The following NCKAP5 variants were observed in gnomAD, a reference collection of about 807,000 sequenced individuals.
NCKAP5 encodes NCK associated protein 5.
Under a neutral mutation model 167.0 loss-of-function variants are expected in NCKAP5, and 92 were observed. That is an observed-to-expected ratio of 0.55 (90% CI 0.47 to 0.66). The LOEUF is 0.66. NCKAP5 is among the 30% of genes least tolerant of loss of function. The pLI is 0.00. For missense variants in NCKAP5, 2,378 were observed against 2,315.0 expected (o/e 1.03, Z -0.56); for synonymous variants, 891 against 877.4 (o/e 1.02, Z -0.27).
At chr2:132,946,624 C>T (rs1697753399) in intron 8 of NCKAP5, among the ~76,000 whole-genome samples, 1 of 152,148 alleles carries the variant, frequency 6.6e-6, no homozygotes, top group Admixed American at 6.5e-5. Flanking sequence ...GGGTTGGGTG[C>T]TGTGGCTCAC....
chr2:133,116,805 C>T (rs915808831), intron 6 of NCKAP5, among the ~76,000 whole-genome samples: 2 of 152,078 alleles, frequency 1.3e-5, no homozygotes, highest in African/African-American at 2.4e-5. Flanking sequence ...AATTGCTTAA[C>T]CTTTCTGGGC....
intron 4 of NCKAP5, among the ~76,000 whole-genome samples, chr2:133,240,893 T>A (rs1209507236): frequency 6.6e-6 from 1 of 152,210 alleles, no homozygotes; most frequent in African/African-American, 2.4e-5. Context: ...TGAAAAGCAT[T>A]TTACTACATT....
At chr2:133,103,122 A>G (rs747634211) in intron 6 of NCKAP5, among the ~76,000 whole-genome samples, 24 of 152,140 alleles carry the variant, frequency 1.6e-4, no homozygotes, top group Non-Finnish European at 3.2e-4. Flanking sequence ...ATCTCATTAC[A>G]TATTTTTACA....
chr2:132,687,929 A>G (rs1253109103), intron 19 of NCKAP5, among the ~76,000 whole-genome samples: 1 of 152,208 alleles, frequency 6.6e-6, no homozygotes, highest in East Asian at 1.9e-4. Flanking sequence ...TGAGAGATGT[A>G]CTACTTTATG....
rs775542530 is a variant in NCKAP5 at position 133,213,708 on chromosome 2, G to T, written c.207+8C>A. The stretch of plus-strand genomic sequence containing the variant: ...TTGTGGAATGAGGGGACGGCAGTCA[G>T]GACTTACCATGGCCCCCTCACTTGT... On this transcript the variant is annotated splice_region_variant and intron_variant, in intron 5 of 19. Transcript: ENST00000409261. 23 of 1,613,556 alleles carry T rather than the reference G, an allele frequency of 1.4e-5. No individual in the cohort carries two copies. Among genetic ancestry groups the T allele is most frequent in the Non-Finnish European group, 1.9e-5 (23 of 1,179,716 alleles).
chr2:132,866,113 C>T (rs1690329443), intron 10 of NCKAP5, among the ~76,000 whole-genome samples: 1 of 152,160 alleles, frequency 6.6e-6, no homozygotes, highest in African/African-American at 2.4e-5. Flanking sequence ...GTGAAGAAAA[C>T]ACATCATCGA....
chr2:132,769,725 G>A (rs1681855302), intron 16 of NCKAP5, among the ~76,000 whole-genome samples: 1 of 152,194 alleles, frequency 6.6e-6, no homozygotes, highest in Admixed American at 6.5e-5. Flanking sequence ...AACTTTCCCA[G>A]CATCCTTTGC....
At chr2:133,265,602 G>A (rs1252270559) in intron 4 of NCKAP5, among the ~76,000 whole-genome samples, 2 of 152,176 alleles carry the variant, frequency 1.3e-5, no homozygotes, top group Non-Finnish European at 2.9e-5. Context: ...ACACGCTCCT[G>A]GTGAGCTGGG....
chr2:133,386,363 TGA>T (rs1246087248), intron 3 of NCKAP5, among the ~76,000 whole-genome samples: 1 of 152,242 alleles, frequency 6.6e-6, no homozygotes. Flanking sequence ...CAGTTTTGAT[TGA>T]GTTTCTTAAT....
intron 7 of NCKAP5, among the ~76,000 whole-genome samples, chr2:132,981,497 A>C (rs2077140986): frequency 6.6e-6 from 1 of 152,168 alleles, no homozygotes; most frequent in Non-Finnish European, 1.5e-5. Flanking sequence ...TATAATTTGT[A>C]ATTTGCATTT....
At chr2:133,006,043 G>A (rs2077955907) in intron 6 of NCKAP5, among the ~76,000 whole-genome samples, 1 of 151,984 alleles carries the variant, frequency 6.6e-6, no homozygotes, top group African/African-American at 2.4e-5. Context: ...GTTCACTTGA[G>A]CTCAGGAGTT....
chr2:132,907,414 T>G (rs1694081855), intron 8 of NCKAP5, among the ~76,000 whole-genome samples: 1 of 152,066 alleles, frequency 6.6e-6, no homozygotes, highest in African/African-American at 2.4e-5. Flanking sequence ...AAATTTAGAG[T>G]CCTCTTTAAG....
At chr2:132,880,777 G>A (rs2148819946) in intron 8 of NCKAP5, among the ~76,000 whole-genome samples, 1 of 152,142 alleles carries the variant, frequency 6.6e-6, no homozygotes, top group East Asian at 1.9e-4. Flanking sequence ...AAACAAAAAG[G>A]ATAGCATTAA....
At chr2:133,556,403 T>C (rs1457449023) in intron 2 of NCKAP5, among the ~76,000 whole-genome samples, 3 of 152,248 alleles carry the variant, frequency 2.0e-5, no homozygotes, top group Admixed American at 2.0e-4. Flanking sequence ...GTCAAACCTC[T>C]GATCATTCAT....
intron 16 of NCKAP5, among the ~76,000 whole-genome samples, chr2:132,766,976 C>T (rs1211895284): frequency 6.6e-6 from 1 of 152,204 alleles, no homozygotes; most frequent in African/African-American, 2.4e-5. Context: ...AGAACAACGT[C>T]TGTGTTACCA....
At chr2:133,019,774 T>C (rs749220949) in intron 6 of NCKAP5, among the ~76,000 whole-genome samples, 3 of 152,210 alleles carry the variant, frequency 2.0e-5, no homozygotes, top group Non-Finnish European at 4.4e-5. Flanking sequence ...TAACTATAGA[T>C]AAAAATCATA....
At chr2:133,104,558 T>A (rs1489252710) in intron 6 of NCKAP5, among the ~76,000 whole-genome samples, 1 of 152,190 alleles carries the variant, frequency 6.6e-6, no homozygotes. Flanking sequence ...ATTGCCATGT[T>A]TTTCATTTAT....
chr2:133,276,894 T>C (rs2089751017), intron 4 of NCKAP5, among the ~76,000 whole-genome samples: 1 of 152,176 alleles, frequency 6.6e-6, no homozygotes, highest in Non-Finnish European at 1.5e-5. Context: ...ATTGATCCTT[T>C]AGTATATGAC....
intron 6 of NCKAP5, chr2:133,123,836 A>C (rs2082321209): frequency 4.2e-6 from 2 of 470,928 alleles, no homozygotes; most frequent in Non-Finnish European, 8.8e-6. Context: ...AATGTACCAG[A>C]TACAGAAGCA....
Sources: allele counts gnomAD v4.1 joint callset (sites outside exome capture counted in the v4.1 genomes callset), GRCh38; gene constraint gnomAD v4.1.1; transcripts MANE v1.5; gene names NCBI Gene and HGNC (gene_info 2026-07-23, HGNC 2026-07-21).